The following FIGN variants were observed in gnomAD, a reference collection of about 807,000 sequenced individuals.
FIGN encodes fidgetin, microtubule severing factor.
Under a neutral mutation model 51.3 loss-of-function variants are expected in FIGN, and 11 were observed. The ratio of observed to expected loss-of-function variants is 0.21; its 90% confidence interval spans 0.13 to 0.35. The LOEUF is 0.35. Among genes scored for constraint, FIGN ranks in the 10% least tolerant of loss-of-function variants. The probability of loss-of-function intolerance (pLI) is 1.00; values close to 1 mark genes in which losing one functional copy is unlikely to be tolerated. For missense variants in FIGN, 857 were observed against 943.6 expected (o/e 0.91, Z 1.20); for synonymous variants, 407 against 363.2 (o/e 1.12, Z -1.37).
chr2:163,612,718 G>T (rs1391110046), intron 2 of FIGN: 1 of 321,308 alleles, frequency 3.1e-6, no homozygotes, highest in East Asian at 1.7e-4. Flanking sequence ...GTGTGTGTGT[G>T]TATTTATACA....
intron 2 of FIGN, among the ~76,000 whole-genome samples, chr2:163,730,067 T>C (rs1004211855): frequency 6.6e-6 from 1 of 152,232 alleles, no homozygotes. Context: ...ATGTGCTGTA[T>C]TGAGGCAGCG....
intron 2 of FIGN, among the ~76,000 whole-genome samples, chr2:163,649,655 C>A (rs921241026): frequency 5.3e-5 from 8 of 152,106 alleles, no homozygotes; most frequent in African/African-American, 9.7e-5. Flanking sequence ...CTCATGTGCA[C>A]CTAGTCAAGG....
intron 2 of FIGN, among the ~76,000 whole-genome samples, chr2:163,621,183 T>C (rs1176991124): frequency 2.6e-5 from 4 of 152,112 alleles, no homozygotes; most frequent in Non-Finnish European, 5.9e-5. Flanking sequence ...ATGTTGAGGG[T>C]AAAACTGTTC....
intron 2 of FIGN, among the ~76,000 whole-genome samples, chr2:163,730,524 G>GTA (rs1425680006): frequency 3.6e-4 from 54 of 151,700 alleles, no homozygotes; most frequent in South Asian, 1.9e-3. Context: ...GTGTGTGTGT[G>GTA]TGTGTGTGTG....
intron 2 of FIGN, among the ~76,000 whole-genome samples, chr2:163,689,535 T>C (rs1041699010): frequency 6.6e-6 from 1 of 152,100 alleles, no homozygotes; most frequent in Non-Finnish European, 1.5e-5. Context: ...GATCAAACAA[T>C]ACCATAAAAT....
At chr2:163,613,877 A>T (rs1682822124) in intron 2 of FIGN, among the ~76,000 whole-genome samples, 2 of 152,170 alleles carry the variant, frequency 1.3e-5, no homozygotes, top group South Asian at 4.1e-4. Flanking sequence ...CAACTCAGTT[A>T]AATTAAGTCT....
At chr2:163,624,102 A>G (rs1161581651) in intron 2 of FIGN, among the ~76,000 whole-genome samples, 1 of 152,034 alleles carries the variant, frequency 6.6e-6, no homozygotes, top group Non-Finnish European at 1.5e-5. Flanking sequence ...GCTAAATAAC[A>G]CACCTTTTAA....
At chr2:163,675,061 G>A (rs1269915291) in intron 2 of FIGN, among the ~76,000 whole-genome samples, 1 of 152,126 alleles carries the variant, frequency 6.6e-6, no homozygotes, top group Non-Finnish European at 1.5e-5. Flanking sequence ...TGAAATCTTA[G>A]AAAATTATGT....
At chr2:163,730,492 CTT>C (rs1293225686) in intron 2 of FIGN, among the ~76,000 whole-genome samples, 2 of 146,880 alleles carry the variant, frequency 1.4e-5, no homozygotes, top group Admixed American at 1.3e-4. Context: ...ATCTCTCTCT[CTT>C]GCTCCGTGTT....
At chr2:163,724,431 TG>T (rs1020221870) in intron 2 of FIGN, among the ~76,000 whole-genome samples, 3 of 152,180 alleles carry the variant, frequency 2.0e-5, no homozygotes, top group African/African-American at 7.2e-5. Context: ...TATAAATGTT[TG>T]GTTTACATTA....
intron 2 of FIGN, among the ~76,000 whole-genome samples, chr2:163,636,307 C>T (rs996407214): frequency 8.5e-5 from 13 of 152,150 alleles, no homozygotes; most frequent in South Asian, 6.2e-4. Context: ...TTGTTTGAGA[C>T]GGAGTTTCGC....
At chr2:163,660,884 T>A (rs1409697759) in intron 2 of FIGN, among the ~76,000 whole-genome samples, 2,489 of 15,680 alleles carry the variant, frequency 0.16, 1,114 homozygotes, top group Non-Finnish European at 0.31. Context: ...TATATATTTT[T>A]TTTTTTTTTT....
At chr2:163,660,180 G>C (rs1386016411) in intron 2 of FIGN, among the ~76,000 whole-genome samples, 1 of 152,040 alleles carries the variant, frequency 6.6e-6, no homozygotes, top group African/African-American at 2.4e-5. Flanking sequence ...TTGAATAAAA[G>C]AAATCAACTC....
At chr2:163,697,970 A>G (rs1319274825) in intron 2 of FIGN, among the ~76,000 whole-genome samples, 2 of 152,150 alleles carry the variant, frequency 1.3e-5, no homozygotes, top group Admixed American at 1.3e-4. Flanking sequence ...AGAGATAAAG[A>G]AAAAGGGAGA....
chr2:163,659,399 T>A (rs1277925697), intron 2 of FIGN, among the ~76,000 whole-genome samples: 1 of 152,166 alleles, frequency 6.6e-6, no homozygotes. Flanking sequence ...GAATACCAAA[T>A]GCATTCTTTA....
At position 163,611,719 on chromosome 2, in the gene FIGN, T is replaced by C; in HGVS notation, c.113A>G (p.Lys38Arg). The part of the protein sequence containing the change: ...ITSTTRSPAH[K>R]VEAYRGHLQR... ...CAGATGACCTCTGTAGGCTTCAACT[T>C]TGTGGGCAGGAGACCGAGTGGTTGA... Residue 38 changes from lysine to arginine, a missense_variant, in exon 3 of 3, where the codon AAA becomes AGA. Transcript: ENST00000333129. 1 of 1,614,160 alleles carries C rather than the reference T, an allele frequency of 6.2e-7. No individual in the cohort carries two copies. The highest frequency in any genetic ancestry group is 1.1e-5 in the South Asian group (1 of 91,086).
chr2:163,619,970 A>G (rs1052158592), intron 2 of FIGN, among the ~76,000 whole-genome samples: 2 of 152,142 alleles, frequency 1.3e-5, no homozygotes, highest in African/African-American at 2.4e-5. Flanking sequence ...ATAATAATCT[A>G]AAACCAAGTA....
intron 2 of FIGN, among the ~76,000 whole-genome samples, chr2:163,641,979 A>G (rs1683312645): frequency 6.6e-6 from 1 of 152,230 alleles, no homozygotes; most frequent in Admixed American, 6.5e-5. Flanking sequence ...GTATTTCACT[A>G]ATAAAGAATA....
chr2:163,649,679 G>C (rs531148818), intron 2 of FIGN, among the ~76,000 whole-genome samples: 6 of 152,174 alleles, frequency 3.9e-5, no homozygotes, highest in African/African-American at 1.4e-4. Context: ...ATAATCATGA[G>C]AAATTATGAA....
Sources: allele counts gnomAD v4.1 joint callset (sites outside exome capture counted in the v4.1 genomes callset), GRCh38; gene constraint gnomAD v4.1.1; transcripts MANE v1.5; gene names NCBI Gene and HGNC (gene_info 2026-07-23, HGNC 2026-07-21).